The following SATB1 variants were observed in gnomAD, a reference collection of about 807,000 sequenced individuals.
SATB1 encodes the protein SATB homeobox 1.
In SATB1, 11 loss-of-function variants were observed where a neutral mutation model predicts 86.9. That is an observed-to-expected ratio of 0.13 (90% confidence interval 0.08 to 0.21). The LOEUF is 0.21. SATB1 is among the 10% of genes least tolerant of loss of function. The pLI is 1.00. For missense variants in SATB1, 551 were observed against 937.6 expected (o/e 0.59, Z 5.39); for synonymous variants, 357 against 357.2 (o/e 1.00, Z 0.01).
chr3:18,356,102 T>C (rs374800855), intron 9 of SATB1, among the ~76,000 whole-genome samples: 119 of 152,040 alleles, frequency 7.8e-4, no homozygotes, highest in Non-Finnish European at 1.5e-3. Flanking sequence ...TAAAAAAAAC[T>C]GGCATGGACG....
chr3:18,368,232 T>C (rs1457997915), intron 9 of SATB1, among the ~76,000 whole-genome samples: 6 of 152,178 alleles, frequency 3.9e-5, no homozygotes, highest in East Asian at 1.9e-4. Context: ...GATATAGGAA[T>C]TGAATCAAAT....
intron 2 of SATB1, among the ~76,000 whole-genome samples, chr3:18,419,478 T>C (rs778372363): frequency 1.6e-4 from 25 of 152,186 alleles, no homozygotes; most frequent in Non-Finnish European, 3.4e-4. Flanking sequence ...AGAATCCTTG[T>C]CTAAAACTGT....
At chr3:18,387,789 T>TA (rs1458458179) in intron 7 of SATB1, among the ~76,000 whole-genome samples, 1 of 152,134 alleles carries the variant, frequency 6.6e-6, no homozygotes, top group Non-Finnish European at 1.5e-5. Flanking sequence ...GTTAAAGGTA[T>TA]ATTGGGGGAA....
intron 5 of SATB1, among the ~76,000 whole-genome samples, chr3:18,410,205 G>A (rs2125147187): frequency 6.6e-6 from 1 of 152,124 alleles, no homozygotes; most frequent in South Asian, 2.1e-4. Flanking sequence ...GCACGGTAAA[G>A]AAAATTTTCA....
At chr3:18,406,032 T>C (rs1559441849) in intron 5 of SATB1, among the ~76,000 whole-genome samples, 1 of 152,018 alleles carries the variant, frequency 6.6e-6, no homozygotes, top group African/African-American at 2.4e-5. Context: ...AAAAATGTGT[T>C]GGAATGGGTT....
chr3:18,392,116 T>C (rs1696707713), intron 7 of SATB1, among the ~76,000 whole-genome samples: 1 of 152,186 alleles, frequency 6.6e-6, no homozygotes, highest in Middle Eastern at 3.2e-3. Flanking sequence ...GTAATGACTT[T>C]TTTTCCTAAA....
intron 5 of SATB1, among the ~76,000 whole-genome samples, chr3:18,413,858 A>T (rs1697989852): frequency 6.6e-6 from 1 of 152,128 alleles, no homozygotes; most frequent in Admixed American, 6.6e-5. Flanking sequence ...CATTCCTAAA[A>T]TTTCTAGCAA....
chr3:18,413,002 G>A (rs1002031643), intron 5 of SATB1, among the ~76,000 whole-genome samples: 11 of 151,968 alleles, frequency 7.2e-5, no homozygotes, highest in African/African-American at 2.4e-4. Context: ...ATAATTTTTA[G>A]AAGTTTTTTT....
At chr3:18,433,269 T>G (rs1698948300) in intron 2 of SATB1, among the ~76,000 whole-genome samples, 2 of 152,172 alleles carry the variant, frequency 1.3e-5, no homozygotes, top group Admixed American at 1.3e-4. Flanking sequence ...ACACAGTACT[T>G]TGAGTGTCAC....
At chr3:18,433,402 G>A (rs183742664) in intron 2 of SATB1, among the ~76,000 whole-genome samples, 29 of 152,030 alleles carry the variant, frequency 1.9e-4, no homozygotes, top group Non-Finnish European at 2.9e-4. Flanking sequence ...TTAAAAAAAC[G>A]CTTTCAAATT....
chr3:18,422,664 T>G (rs1405522089), intron 1 of SATB1, among the ~76,000 whole-genome samples: 2 of 152,256 alleles, frequency 1.3e-5, no homozygotes, highest in Non-Finnish European at 2.9e-5. Flanking sequence ...TAACGTTTCA[T>G]GTGGATAACA....
chr3:18,353,409 C>T (rs556586211), intron 9 of SATB1, among the ~76,000 whole-genome samples: 18 of 152,280 alleles, frequency 1.2e-4, no homozygotes, highest in South Asian at 2.1e-4. Flanking sequence ...CTCCTTTCTT[C>T]CCAGGGCCCT....
Position 18,408,219 on chromosome 3 carries a change from T to C in SATB1, c.639+6892A>G, listed in dbSNP as rs62240973. On this transcript the variant is annotated intron_variant, in intron 5 of 10. Transcript: ENST00000338745. ...AGAGAACAAAGTTTCAGAGTAAGAA[T>C]GAGAGAAAAAGACTGCTAAAGAAGT... Among the ~76,000 whole-genome samples the C allele has an allele frequency of 7.4e-3, 1,127 of 152,032 alleles. 15 individuals carry two copies. The highest frequency in any genetic ancestry group is 0.011 in the Non-Finnish European group (750 of 67,902).
intron 5 of SATB1, chr3:18,409,634 T>C (rs956281858): frequency 1.2e-4 from 18 of 152,162 alleles, no homozygotes; most frequent in Middle Eastern, 3.4e-3. Flanking sequence ...CTTCAGTGCC[T>C]GGCAAAGCAG....
chr3:18,419,359 G>C (rs1698275495), intron 2 of SATB1, among the ~76,000 whole-genome samples: 1 of 152,184 alleles, frequency 6.6e-6, no homozygotes, highest in African/African-American at 2.4e-5. Context: ...ACTGCTGAAT[G>C]CTAAAAATAC....
intron 10 of SATB1, chr3:18,350,455 T>C (rs947874870): frequency 1.3e-5 from 2 of 152,216 alleles, no homozygotes; most frequent in Admixed American, 6.5e-5. Flanking sequence ...TGCTACAATT[T>C]CCATACACAA....
rs1394248098 is a variant in SATB1, at chr3:18,425,272, G to GCCCGCCGCCT, written c.-1671_-1670insAGGCGGCGGG. 2 of 153,388 alleles carry GCCCGCCGCCT rather than the reference G, an allele frequency of 1.3e-5. No individual in the cohort carries two copies. Among genetic ancestry groups the GCCCGCCGCCT allele is most frequent in the Non-Finnish European group, 2.9e-5 (2 of 69,050 alleles). 9.5% of individuals were successfully genotyped at this position (153,388 alleles called of 1,614,324 possible). A position where few individuals can be genotyped will look rare whatever the true frequency, so the allele number is the denominator to read the frequency against. The stretch of plus-strand genomic sequence containing the variant: ...AGCCTCCTCCCGGCCGCCCGCCGCC[G>GCCCGCCGCCT]CCCGGAGCCTTCCCCAGCGGGGCCG... On this transcript the variant is annotated 5_prime_UTR_variant, in exon 1 of 11. An upstream open reading frame in the 5' UTR loses its in-frame stop. Transcript: ENST00000338745.
At chr3:18,405,562 G>A (rs1207151370) in intron 5 of SATB1, among the ~76,000 whole-genome samples, 1 of 151,922 alleles carries the variant, frequency 6.6e-6, no homozygotes, top group African/African-American at 2.4e-5. Flanking sequence ...CATTCCTTCT[G>A]TACAGGAGCA....
chr3:18,376,602 A>T (rs893536568), intron 9 of SATB1, among the ~76,000 whole-genome samples: 2 of 151,988 alleles, frequency 1.3e-5, no homozygotes, highest in African/African-American at 4.8e-5. Flanking sequence ...TGAGACCAGG[A>T]CATTTCTCTT....
Sources: allele counts gnomAD v4.1 joint callset (sites outside exome capture counted in the v4.1 genomes callset), GRCh38; gene constraint gnomAD v4.1.1; transcripts MANE v1.5; gene names NCBI Gene and HGNC (gene_info 2026-07-23, HGNC 2026-07-21).